SLC12A6: variants seen among roughly 807,000 people sequenced by gnomAD.
The protein encoded by SLC12A6 is solute carrier family 12 member 6.
A neutral mutation model predicts 135.3 loss-of-function variants in SLC12A6; 66 were observed. The ratio of observed to expected loss-of-function variants is 0.49; its 90% CI spans 0.40 to 0.60. The LOEUF is 0.60. Among genes scored for constraint, SLC12A6 ranks in the 20% least tolerant of loss-of-function variants. The probability of loss-of-function intolerance (pLI) is 0.00; values close to 1 mark genes in which losing one functional copy is unlikely to be tolerated. For synonymous variants in SLC12A6, 513 were observed against 508.8 expected (o/e 1.01, Z -0.11); for missense variants, 1,058 against 1,452.3 (o/e 0.73, Z 4.41).
At chr15:34,285,438 A>G (rs1240598180) in intron 2 of SLC12A6, among the ~76,000 whole-genome samples, 1 of 151,946 alleles carries the variant, frequency 6.6e-6, no homozygotes, top group African/African-American at 2.4e-5. Context: ...CAGAGATGCC[A>G]TTTACCCTTT....
At chr15:34,298,918 T>A (rs1379625168) in intron 2 of SLC12A6, among the ~76,000 whole-genome samples, 2 of 152,210 alleles carry the variant, frequency 1.3e-5, no homozygotes, top group African/African-American at 2.4e-5. Context: ...TTTTCCTCCA[T>A]ACTAATAATC....
chr15:34,279,477 G>C (rs1410332432), intron 2 of SLC12A6, among the ~76,000 whole-genome samples: 3 of 152,076 alleles, frequency 2.0e-5, no homozygotes, highest in African/African-American at 7.2e-5. Flanking sequence ...GGCGTTTCTG[G>C]GTTTGCAATC....
chr15:34,251,096 T>C (rs1433627541), intron 10 of SLC12A6, 39 bp from the exon 11 acceptor site: 1 of 1,177,114 alleles, frequency 8.5e-7, no homozygotes, highest in Non-Finnish European at 1.2e-6. Flanking sequence ...AGCAGCAGTA[T>C]GAAAAAAAAA....
intron 2 of SLC12A6, among the ~76,000 whole-genome samples, chr15:34,313,588 C>T (rs966780648): frequency 1.1e-4 from 17 of 152,260 alleles, no homozygotes; most frequent in South Asian, 4.1e-4. Context: ...GATTGAGCTA[C>T]GATCAATGAT....
intron 2 of SLC12A6, among the ~76,000 whole-genome samples, chr15:34,297,160 CTTTT>C (rs920217809): frequency 7.9e-5 from 12 of 152,134 alleles, no homozygotes; most frequent in African/African-American, 2.9e-4. Flanking sequence ...TTGCTAATCT[CTTTT>C]TTAACAGGCT....
chr15:34,324,458 G>A (rs1889330343), intron 2 of SLC12A6, among the ~76,000 whole-genome samples: 1 of 152,090 alleles, frequency 6.6e-6, no homozygotes, highest in Non-Finnish European at 1.5e-5. Flanking sequence ...CATTATTTGT[G>A]ACTATATTAT....
At chr15:34,234,075 G>A (rs1891092770) in intron 25 of SLC12A6, 103 bp from the exon 26 acceptor site, 1 of 737,384 alleles carries the variant, frequency 1.4e-6, no homozygotes, top group Non-Finnish European at 2.5e-6. Flanking sequence ...AAAATTAGCT[G>A]CTTAATTATT....
At chr15:34,272,755 A>G (rs16958911) in intron 3 of SLC12A6, among the ~76,000 whole-genome samples, 5,983 of 152,294 alleles carry the variant, frequency 0.039, 218 homozygotes, top group African/African-American at 0.099. Flanking sequence ...ACTGCAGGTG[A>G]TTAGCTGGGA....
At chr15:34,320,163 T>C (rs750984270) in intron 2 of SLC12A6, among the ~76,000 whole-genome samples, 1 of 152,226 alleles carries the variant, frequency 6.6e-6, no homozygotes, top group African/African-American at 2.4e-5. Context: ...ACTGAAGCAA[T>C]GATGCTTTGA....
intron 18 of SLC12A6, 174 bp from the exon 19 acceptor site, chr15:34,241,003 A>G: frequency 1.5e-6 from 1 of 672,224 alleles, no homozygotes. Flanking sequence ...TGCTCCCAGT[A>G]CTATCTCAAG....
intron 15 of SLC12A6, among the ~76,000 whole-genome samples, chr15:34,244,951 AC>A (rs777153726): frequency 5.3e-5 from 8 of 152,250 alleles, no homozygotes; most frequent in Middle Eastern, 3.2e-3. Flanking sequence ...TTCCCAGAAT[AC>A]CACATTACAC....
chr15:34,336,720 G>C lies in SLC12A6; in HGVS notation c.-40C>G. On this transcript the variant is annotated 5_prime_UTR_variant, in exon 2 of 26. Coordinates refer to ENST00000354181, the MANE Select transcript of SLC12A6 (RefSeq NM_001365088.1). ...GAACAAAAAAAGTGGGGGGAACCTC[G>C]CAAAATCTTCCTCTTACGCTAGCTA... 2 of 1,575,866 alleles carry C rather than the reference G, an allele frequency of 1.3e-6. No individual in the cohort carries two copies. The highest frequency in any genetic ancestry group is 8.7e-7 in the Non-Finnish European group (1 of 1,145,222).
intron 3 of SLC12A6, among the ~76,000 whole-genome samples, chr15:34,267,872 G>A (rs561513126): frequency 1.7e-4 from 26 of 151,996 alleles, no homozygotes; most frequent in African/African-American, 5.3e-4. Flanking sequence ...TTTTGTTTAC[G>A]CTATTTACCT....
chr15:34,264,402 C>T (rs1349566461), intron 3 of SLC12A6, among the ~76,000 whole-genome samples: 2 of 152,084 alleles, frequency 1.3e-5, no homozygotes, highest in Non-Finnish European at 2.9e-5. Context: ...ACTATCAGTT[C>T]AAGGAAAACA....
intron 2 of SLC12A6, among the ~76,000 whole-genome samples, chr15:34,314,282 G>A (rs908119485): frequency 3.3e-5 from 5 of 152,120 alleles, no homozygotes; most frequent in African/African-American, 9.7e-5. Context: ...CCTGACCTCA[G>A]GTGATCCACC....
chr15:34,230,126 A>G lies in SLC12A6; in HGVS notation c.*3755T>C, dbSNP rs557606663. 2.4e-4 allele frequency: 70 copies of G among 293,990 alleles called. No individual in the cohort carries two copies. The highest frequency in any genetic ancestry group is 3.9e-4 in the Non-Finnish European group (62 of 160,048). The allele number at this position is 293,990 out of a possible 1,614,324, so 18.2% of individuals were successfully genotyped here. The stretch of plus-strand genomic sequence containing the variant: ...CTGTTGCAGCATCTCCTTTCAATAA[A>G]TTAAATGGTTGAGAACAATGCATAA... On this transcript the variant is annotated 3_prime_UTR_variant, in exon 26 of 26. Transcript: ENST00000354181.
intron 2 of SLC12A6, among the ~76,000 whole-genome samples, chr15:34,310,162 C>A (rs1002456230): frequency 2.0e-5 from 3 of 147,364 alleles, no homozygotes; most frequent in African/African-American, 7.8e-5. Context: ...GCACACAACA[C>A]CACGCCCAGC....
chr15:34,235,032 T>A, intron 25 of SLC12A6, 149 bp downstream of exon 25: 2 of 774,552 alleles, frequency 2.6e-6, no homozygotes, highest in Non-Finnish European at 4.5e-6. Context: ...CTTATAACTT[T>A]GTAAAAATCC....
intron 5 of SLC12A6, 42 bp from the exon 6 acceptor site, chr15:34,257,830 A>C (rs765540183): frequency 7.0e-6 from 10 of 1,437,950 alleles, no homozygotes; most frequent in Non-Finnish European, 8.8e-6. Context: ...CAGTTATCCT[A>C]AAGAGAGGTT....
Sources: gnomAD v4.1 joint callset for allele counts (sites outside exome capture counted in the v4.1 genomes callset) on GRCh38, gnomAD v4.1.1 for gene constraint, MANE v1.5 for transcripts, NCBI Gene and HGNC (gene_info 2026-07-23, HGNC 2026-07-21) for gene names.